Variants in IGFN1 observed in about 807,000 individuals in gnomAD.
The protein encoded by IGFN1 is immunoglobulin like and fibronectin type III domain containing 1.
Under a neutral mutation model 289.5 loss-of-function variants are expected in IGFN1, and 253 were observed. That is an observed-to-expected ratio of 0.87 (90% CI 0.79 to 0.97). IGFN1 has a LOEUF of 0.97. IGFN1 is among the 50% of genes least tolerant of loss of function. The pLI is 0.00. For synonymous variants in IGFN1, 1,706 were observed against 1,788.5 expected, an observed-to-expected ratio of 0.95 and a Z score of 1.16; for missense variants, 4,470 against 4,686.1, an observed-to-expected ratio of 0.95 and a Z score of 1.35.
At chr1:201,199,490 G>A in intron 6 of IGFN1, 112 bp downstream of exon 6, 2 of 1,398,258 alleles carry the variant, frequency 1.4e-6, no homozygotes, top group Non-Finnish European at 2.0e-6. Context: ...ATCACCACCA[G>A]TCTTCAAGAG....
chr1:201,224,268 C>A (rs942990533), intron 20 of IGFN1, among the ~76,000 whole-genome samples: 10 of 152,282 alleles, frequency 6.6e-5, no homozygotes, highest in African/African-American at 2.4e-4. Flanking sequence ...TTAACACTCC[C>A]CTCCCCACAC....
In IGFN1 at chr1:201,221,606, G is replaced by C. The variant is rs145252128; in HGVS notation, c.10061G>C (p.Gly3354Ala). ...CTCCAGTGGCTCCCGTGCCATGTGG[G>C]CACCGTGCCAGTCACCACCTACACG... ...DSLQWLPCHV[G>A]TVPVTTYTAK... The change falls in exon 19 of 24, where the codon GGC becomes GCC. Residue 3354 changes from glycine (G) to alanine (A), a missense_variant. By Grantham distance (60) the Gly-to-Ala change is moderately conservative. Transcript: ENST00000335211. 1 of 1,614,200 alleles carries C rather than the reference G, an allele frequency of 6.2e-7. No individual in the cohort carries two copies. Among genetic ancestry groups the C allele is most frequent in the African/African-American group, 1.3e-5 (1 of 75,060 alleles).
chr1:201,206,500 C>G lies in IGFN1; in HGVS notation c.1607C>G (p.Pro536Arg). The G allele has an allele frequency of 6.4e-7, 1 of 1,551,314 alleles. No individual in the cohort carries two copies. The highest frequency in any genetic ancestry group is 8.7e-7 in the Non-Finnish European group (1 of 1,146,970). Residue 536 changes from proline (P) to arginine (R), a missense_variant, in exon 12 of 24, where the codon CCA becomes CGA. Pro to Arg is a moderately radical substitution (Grantham distance 103). Coordinates refer to ENST00000335211, the MANE Select transcript of IGFN1 (RefSeq NM_001164586.2). ...GESSESGLGL[P>R]EKQQQDRGRD... Reference sequence around the variant, plus strand: ...AGCTCAGAATCAGGGTTGGGCCTCCCAGAAAAACAACAGCAAGATCGTGGC... The same window carrying G: ...AGCTCAGAATCAGGGTTGGGCCTCCGAGAAAAACAACAGCAAGATCGTGGC...
In IGFN1 at chr1:201,212,135, T is replaced by G. The variant is rs1388163526; in HGVS notation, c.7242T>G (p.Leu2414=). The G allele has an allele frequency of 6.5e-7, 1 of 1,536,068 alleles. No individual in the cohort carries two copies. Among genetic ancestry groups the G allele is most frequent in the African/African-American group, 1.4e-5 (1 of 72,886 alleles). ...CAGAGCGAGCCAGGGAAACCAGGCT[T>G]GTGGATGGGGCAGGACCTGGGGTGG... The part of the protein sequence containing the change: ...DGPERARETR[L]VDGAGPGVEP... Residue 2414 remains leucine (L), a synonymous_variant, in exon 12 of 24, where the codon CTT becomes CTG. Transcript: ENST00000335211.
chr1:201,208,819 G>C lies in IGFN1; in HGVS notation c.3926G>C (p.Gly1309Ala). ...GSGSKADYRD[G>A]VGGSGAMGSM... ...GGGAGCAAGGCAGATTATAGGGATG[G>C]TGTAGGGGGTTCTGGGGCAATGGGG... The change falls in exon 12 of 24, where the codon GGT becomes GCT. Residue 1309 changes from glycine to alanine, a missense_variant. By Grantham distance (60) the Gly-to-Ala change is moderately conservative (BLOSUM62 0). This residue lies in a region of IGFN1 where 2,011 missense variants were observed against 1,953.4 expected (regional missense o/e 1.03). Coordinates refer to ENST00000335211, the MANE Select transcript of IGFN1 (RefSeq NM_001164586.2). 1 of 1,536,716 alleles carries C rather than the reference G, an allele frequency of 6.5e-7. No homozygotes were observed. The highest frequency in any genetic ancestry group is 8.7e-7 in the Non-Finnish European group (1 of 1,146,696).
At position 201,213,080 on chromosome 1, in the gene IGFN1, T is replaced by C. The variant is rs1294414768; in HGVS notation, c.8187T>C (p.Pro2729=). The C allele has an allele frequency of 9.7e-6, 15 of 1,551,422 alleles. No individual in the cohort carries two copies. The Admixed American group carries it at 2.7e-4, about 28-fold the overall frequency. Residue 2729 remains proline, a synonymous_variant, in exon 12 of 24, where the codon CCT becomes CCC. Transcript: ENST00000335211. ...TEWGNALTPK[P]GESGPQGAWN... The stretch of plus-strand genomic sequence containing the variant: ...GGGGGAATGCCCTCACCCCAAAACC[T>C]GGGGAGTCCGGACCTCAGGGAGCCT...
intron 17 of IGFN1, 131 bp from the exon 18 acceptor site, chr1:201,218,399 G>C (rs1191175788): frequency 5.1e-6 from 4 of 788,146 alleles, no homozygotes; most frequent in Non-Finnish European, 8.0e-6. Flanking sequence ...GAGTCACAGC[G>C]GGTGGAGGGA....
chr1:201,221,402 C>T, intron 18 of IGFN1, 42 bp from the exon 19 acceptor site: 1 of 1,453,982 alleles, frequency 6.9e-7, no homozygotes, highest in Non-Finnish European at 9.2e-7. Context: ...AGTGGCCTCC[C>T]TCAGGAGATG....
Position 201,200,261 on chromosome 1 carries a change from G to A in IGFN1, c.483G>A (p.Lys161=), listed in dbSNP as rs977690589. 1.3e-6 allele frequency: 2 copies of A among 1,551,838 alleles called. No homozygotes were observed. Among genetic ancestry groups the A allele is most frequent in the Non-Finnish European group, 1.7e-6 (2 of 1,147,010 alleles). ...GGGCCCCACCAGCCCCCAAGAAAAA[G>A]ATGGACCTTGAGCAGATATGGCAGC... ...KKRAPPAPKK[K]MDLEQIWQLL... is the part of the protein sequence containing the mutation. The change falls in exon 8 of 24, where the codon AAG becomes AAA. Residue 161 remains lysine (K), a synonymous_variant. Transcript: ENST00000335211.
At chr1:201,217,517 C>T (rs773429373) in intron 17 of IGFN1, 57 bp downstream of exon 17, 1 of 1,569,604 alleles carries the variant, frequency 6.4e-7, no homozygotes, top group Non-Finnish European at 8.7e-7. Flanking sequence ...TCCAGGATCC[C>T]AGGGACTTTT....
rs765022182 is a variant in IGFN1 at position 201,213,527 on chromosome 1, C to T, written c.8634C>T (p.Gly2878=). The T allele has an allele frequency of 3.1e-6, 5 of 1,614,024 alleles. No individual in the cohort carries two copies. The highest frequency in any genetic ancestry group is 3.3e-5 in the Admixed American group (2 of 60,014). Residue 2878 remains glycine, a synonymous_variant, in exon 12 of 24, where the codon GGC becomes GGT. Coordinates refer to ENST00000335211, the MANE Select transcript of IGFN1 (RefSeq NM_001164586.2). ...GTAGCAGGAGAAGTGGCAAAGACGGCAGGTTGGACATCTATGGAGAGAGGA... is the reference window on the plus strand; with the variant it reads ...GTAGCAGGAGAAGTGGCAAAGACGGTAGGTTGGACATCTATGGAGAGAGGA... The part of the protein sequence containing the change: ...HLGSRRSGKD[G]RLDIYGERRD...
At chr1:201,221,793 C>A in intron 19 of IGFN1, 47 bp downstream of exon 19, 1 of 1,500,952 alleles carries the variant, frequency 6.7e-7, no homozygotes, top group East Asian at 2.3e-5. Context: ...CAGGCCTCTC[C>A]TAAGAGGGGG....
At chr1:201,200,932 C>A (rs1220583410) in intron 8 of IGFN1, among the ~76,000 whole-genome samples, 1 of 151,322 alleles carries the variant, frequency 6.6e-6, no homozygotes, top group Non-Finnish European at 1.5e-5. Flanking sequence ...CCCAGGTTCA[C>A]GCCATTCTCC....
chr1:201,192,447 G>T (rs1470237976), intron 1 of IGFN1, among the ~76,000 whole-genome samples: 2 of 151,776 alleles, frequency 1.3e-5, no homozygotes, highest in Non-Finnish European at 2.9e-5. Flanking sequence ...TTCCTCTCCT[G>T]TGTGGGACTC....
chr1:201,195,756 C>A, intron 3 of IGFN1, 83 bp from the exon 4 acceptor site: 3 of 1,376,098 alleles, frequency 2.2e-6, no homozygotes, highest in Non-Finnish European at 2.9e-6. Context: ...ATGAGGAAGA[C>A]GATATAAATT....
rs1469864868 is a variant in IGFN1 at position 201,197,267 on chromosome 1, TA to T, written c.320del (p.Asn107MetfsTer10). 3 of 1,551,492 alleles carry T rather than the reference TA, an allele frequency of 1.9e-6. No homozygotes were observed. In the South Asian group the frequency reaches 3.6e-5, roughly 18 times the overall value. On this transcript the variant is annotated frameshift_variant, in exon 5 of 24. Transcript: ENST00000335211. LOFTEE classifies it high-confidence loss of function. ...ACGGATCTGTACCGCTGCACAGCAG[TA>T]AATGCGTACGGAGAGGCCGCTTGCT... ...EDTDLYRCTA[V>X]NAYGEAACSV...
rs114495016 is a variant in IGFN1, at chr1:201,194,632, A to T, written c.127+359A>T. 2.3e-3 allele frequency among the ~76,000 whole-genome samples: 348 copies of T among 152,292 alleles called. 3 individuals are homozygous for T. The highest frequency in any genetic ancestry group is 8.0e-3 in the African/African-American group (331 of 41,536). On this transcript the variant is annotated intron_variant, in intron 3 of 23. Coordinates refer to ENST00000335211, the MANE Select transcript of IGFN1 (RefSeq NM_001164586.2). ...CCACTGCTGCAGAGAGGCACTGTTAAAACAGTTAATTTGACTCTTCCCAAT... is the reference window on the plus strand; with the variant it reads ...CCACTGCTGCAGAGAGGCACTGTTATAACAGTTAATTTGACTCTTCCCAAT...
chr1:201,207,800 CG>C lies in IGFN1; in HGVS notation c.2911del (p.Ala971LeufsTer81), dbSNP rs1190620832. ...ATTCTAGGGAAATAAGCTCTAAAAGCGGGGCTGGTTATAGCTATGGCTCAGG... is the reference window on the plus strand; with the variant it reads ...ATTCTAGGGAAATAAGCTCTAAAAGCGGGCTGGTTATAGCTATGGCTCAGG... ...GYSREISSKS[G>X]AGYSYGSGVP... On this transcript the variant is annotated frameshift_variant, in exon 12 of 24. Transcript: ENST00000335211. LOFTEE classifies it high-confidence loss of function. 6.5e-7 allele frequency: 1 copy of C among 1,535,730 alleles called. No individual in the cohort carries two copies. Among genetic ancestry groups the C allele is most frequent in the Non-Finnish European group, 8.7e-7 (1 of 1,146,298 alleles).
At chr1:201,227,561 G>A (rs375653608) in intron 23 of IGFN1, among the ~76,000 whole-genome samples, 8 of 151,880 alleles carry the variant, frequency 5.3e-5, no homozygotes, top group African/African-American at 1.9e-4. Context: ...CTGAATAGCT[G>A]GGATTACAGG....
Sources: gnomAD v4.1 joint callset for allele counts (sites outside exome capture counted in the v4.1 genomes callset) on GRCh38, gnomAD v4.1.1 for gene constraint, gnomAD v4.1.1 regional missense constraint, MANE v1.5 for transcripts, NCBI Gene and HGNC (gene_info 2026-07-23, HGNC 2026-07-21) for gene names.